The following CALN1 variants were observed in gnomAD, a reference collection of about 807,000 sequenced individuals.
CALN1 encodes the protein calneuron 1, also known as calcium-binding protein 8.
CALN1 carries 17 observed loss-of-function variants against 30.6 expected under a neutral mutation model. The observed-to-expected ratio is 0.56, with a 90% CI of 0.38 to 0.83. CALN1 has a LOEUF of 0.83. Among genes scored for constraint, CALN1 ranks in the 40% least tolerant of loss-of-function variants. The probability of loss-of-function intolerance (pLI) is 0.00; values close to 1 mark genes in which losing one functional copy is unlikely to be tolerated. For missense variants in CALN1, 291 were observed against 354.9 expected, an observed-to-expected ratio of 0.82 and a Z score of 1.45; for synonymous variants, 156 against 131.4, an observed-to-expected ratio of 1.19 and a Z score of -1.28.
chr7:71,968,730 G>A (rs971328199), intron 5 of CALN1, among the ~76,000 whole-genome samples: 2 of 150,562 alleles, frequency 1.3e-5, no homozygotes, highest in Non-Finnish European at 3.0e-5. Flanking sequence ...CTAGTTAGAT[G>A]AGTGCATAAG....
chr7:72,426,623 T>C (rs938929323), intron 1 of CALN1, among the ~76,000 whole-genome samples: 1 of 152,144 alleles, frequency 6.6e-6, no homozygotes, highest in Non-Finnish European at 1.5e-5. Context: ...CTAATACATC[T>C]ACTATAGCTG....
At chr7:72,407,015 G>A (rs1585682077) in intron 1 of CALN1, among the ~76,000 whole-genome samples, 2 of 152,140 alleles carry the variant, frequency 1.3e-5, no homozygotes, top group African/African-American at 2.4e-5. Context: ...GCTCAGACCA[G>A]TAGGAGGCAC....
intron 5 of CALN1, among the ~76,000 whole-genome samples, chr7:71,989,272 T>C (rs2129527698): frequency 6.6e-6 from 1 of 152,128 alleles, no homozygotes; most frequent in East Asian, 1.9e-4. Flanking sequence ...ACCCCGTCTC[T>C]ACTAAAAACA....
At position 71,951,407 on chromosome 7, in the gene CALN1, A is replaced by G. The variant is rs924901894; in HGVS notation, c.501+72250T>C. Among the ~76,000 whole-genome samples the G allele has an allele frequency of 3.3e-5, 5 of 152,282 alleles. No homozygotes were observed. In the South Asian group the frequency reaches 8.3e-4, roughly 25 times the overall value. On this transcript the variant is annotated intron_variant, in intron 5 of 6. Coordinates refer to ENST00000395275, the MANE Select transcript of CALN1 (RefSeq NM_031468.4). ...GGAGTTCAAGACTAGCCTGGCCAAC[A>G]TGGTGAAACCCCGTCTCTACTAAAA...
At chr7:72,164,744 A>G (rs1057002693) in intron 3 of CALN1, among the ~76,000 whole-genome samples, 8 of 152,176 alleles carry the variant, frequency 5.3e-5, no homozygotes, top group African/African-American at 1.9e-4. Context: ...TGGCATGATC[A>G]TGGTTCATTG....
intron 4 of CALN1, among the ~76,000 whole-genome samples, chr7:72,037,950 G>T (rs1801902888): frequency 1.3e-5 from 2 of 152,322 alleles, no homozygotes; most frequent in South Asian, 4.1e-4. Flanking sequence ...TAAAAGTGGA[G>T]AAGTTGGGGA....
At chr7:71,873,283 C>T (rs539872538) in intron 5 of CALN1, among the ~76,000 whole-genome samples, 1 of 152,212 alleles carries the variant, frequency 6.6e-6, no homozygotes, top group East Asian at 1.9e-4. Context: ...GCTGGGATTA[C>T]AGGTGTGAGC....
chr7:72,483,522 T>G, the CALN1 span, among the ~76,000 whole-genome samples: 1 of 152,122 alleles, frequency 6.6e-6, no homozygotes. Flanking sequence ...TGACCTCAGG[T>G]GATCCACCTG....
chr7:71,950,051 C>T (rs549168216), intron 5 of CALN1, among the ~76,000 whole-genome samples: 2 of 152,182 alleles, frequency 1.3e-5, no homozygotes, highest in South Asian at 2.1e-4. Context: ...TGTGAGCCAC[C>T]GTGCCTGGCC....
intron 4 of CALN1, among the ~76,000 whole-genome samples, chr7:72,077,444 T>C (rs1027139199): frequency 3.9e-5 from 6 of 152,224 alleles, no homozygotes; most frequent in South Asian, 2.1e-4. Context: ...CAGCTAATTT[T>C]TGTATTTTTA....
chr7:71,826,673 G>A (rs1788934155), intron 5 of CALN1, among the ~76,000 whole-genome samples: 1 of 152,146 alleles, frequency 6.6e-6, no homozygotes, highest in Non-Finnish European at 1.5e-5. Context: ...CCCGGCATCA[G>A]ATGAAGTGAG....
At chr7:71,847,965 G>T (rs951906549) in intron 5 of CALN1, among the ~76,000 whole-genome samples, 5 of 152,064 alleles carry the variant, frequency 3.3e-5, no homozygotes, top group African/African-American at 1.2e-4. Context: ...CCAGCCATGT[G>T]GAACTGTGAG....
intron 4 of CALN1, among the ~76,000 whole-genome samples, chr7:72,049,923 C>A (rs1037997525): frequency 4.0e-5 from 6 of 151,570 alleles, no homozygotes; most frequent in Non-Finnish European, 7.4e-5. Flanking sequence ...GATTCTCCTG[C>A]CTCAGGCTCG....
At position 72,221,312 on chromosome 7, in the gene CALN1, CTT is replaced by C. The variant is rs1174615183; in HGVS notation, c.244+57372_244+57373del. On this transcript the variant is annotated intron_variant, in intron 3 of 6. Transcript: ENST00000395275. Reference sequence around the variant, plus strand: ...TTTTCACTTACACAAGTCTTGGCTTCTTTTTTTTTTTTTTTTTTTTTTTGAGA... The same window carrying C: ...TTTTCACTTACACAAGTCTTGGCTTCTTTTTTTTTTTTTTTTTTTTTGAGA... 4.6e-3 allele frequency among the ~76,000 whole-genome samples: 413 copies of C among 88,984 alleles called. 1 individual carries two copies. Among genetic ancestry groups the C allele is most frequent in the African/African-American group, 0.016 (373 of 23,932 alleles). 58.4% of individuals were successfully genotyped at this position (88,984 alleles called of 152,430 possible).
intron 3 of CALN1, among the ~76,000 whole-genome samples, chr7:72,176,802 T>C (rs1241749414): frequency 1.3e-5 from 2 of 152,186 alleles, no homozygotes; most frequent in African/African-American, 4.8e-5. Context: ...AAAATTCAAA[T>C]GTCAGGATGG....
rs1022696223 is a variant in CALN1, at chr7:72,222,732, G to A, written c.244+55954C>T. Among the ~76,000 whole-genome samples, 13 of 152,056 alleles carry A rather than the reference G, an allele frequency of 8.5e-5. 1 individual carries two copies. The highest frequency in any genetic ancestry group is 2.7e-4 in the African/African-American group (11 of 41,406). On this transcript the variant is annotated intron_variant, in intron 3 of 6. Transcript: ENST00000395275. The stretch of plus-strand genomic sequence containing the variant: ...CCAGAAATCACAAGCTAAAAAGAAA[G>A]GGAGAAGGCCAGGCGTGGTGGCTCA...
At chr7:72,491,893 T>C in the CALN1 span, among the ~76,000 whole-genome samples, 1 of 152,196 alleles carries the variant, frequency 6.6e-6, no homozygotes. Flanking sequence ...GCAAGGTAAT[T>C]CAAGATGCCA....
intron 2 of CALN1, among the ~76,000 whole-genome samples, chr7:72,317,356 C>A (rs1354469418): frequency 6.6e-6 from 1 of 152,174 alleles, no homozygotes; most frequent in Non-Finnish European, 1.5e-5. Context: ...GCAGTTTTCT[C>A]CTGGGGAAAT....
At chr7:72,413,191 GCCCA>G (rs754091247), upstream of CALN1, among the ~76,000 whole-genome samples, 1 of 147,904 alleles carries the variant, frequency 6.8e-6, no homozygotes, top group Admixed American at 6.8e-5. Flanking sequence ...TGACACTTGT[GCCCA>G]CCCACTCACA....
Sources: allele counts gnomAD v4.1 joint callset (sites outside exome capture counted in the v4.1 genomes callset), GRCh38; gene constraint gnomAD v4.1.1; transcripts MANE v1.5; gene names NCBI Gene and HGNC (gene_info 2026-07-23, HGNC 2026-07-21).